Variants in CRTC1 observed in about 807,000 individuals in gnomAD.
The protein encoded by CRTC1 is CREB-regulated transcription coactivator 1.
CRTC1 carries 18 observed loss-of-function variants against 66.1 expected under a neutral mutation model. The observed-to-expected ratio is 0.27, with a 90% CI of 0.19 to 0.40. CRTC1 has a LOEUF of 0.40. Among genes scored for constraint, CRTC1 ranks in the 10% least tolerant of loss-of-function variants. The pLI is 1.00. For synonymous variants in CRTC1, 416 were observed against 398.8 expected, an observed-to-expected ratio of 1.04 and a Z score of -0.51; for missense variants, 669 against 887.9, an observed-to-expected ratio of 0.75 and a Z score of 3.13.
In CRTC1 at chr19:18,764,903, T is replaced by TA. The variant is rs540876227; in HGVS notation, c.887-499dup. Among the ~76,000 whole-genome samples the TA allele has an allele frequency of 5.9e-5, 9 of 152,308 alleles. No homozygotes were observed. The South Asian group carries it at 1.9e-3, about 32-fold the overall frequency. On this transcript the variant is annotated intron_variant, in intron 8 of 13. Transcript: ENST00000321949. Reference sequence around the variant, plus strand: ...TGGGCAGGGCCTGCTGGCTTGAAGCTAACCACAACCCAAGCCATTTTCAGC... The same window carrying TA: ...TGGGCAGGGCCTGCTGGCTTGAAGCTAAACCACAACCCAAGCCATTTTCAGC...
rs375072015 is a variant in CRTC1 at position 18,761,351 on chromosome 19, G to A, written c.886+1123G>A. 4.2e-4 allele frequency among the ~76,000 whole-genome samples: 64 copies of A among 152,280 alleles called. No individual in the cohort carries two copies. In the South Asian group the frequency reaches 0.013, roughly 31 times the overall value. ...GGCTTCCAAGGAGGAGAAATGGCGT[G>A]GCCCCAACTAGTCCTGGGGGGTGGG... On this transcript the variant is annotated intron_variant, in intron 8 of 13. Coordinates refer to ENST00000321949, the MANE Select transcript of CRTC1 (RefSeq NM_015321.3).
Position 18,771,592 on chromosome 19 carries a change from C to G in CRTC1, c.1425+46C>G, listed in dbSNP as rs917572786. On this transcript the variant is annotated intron_variant, in intron 11 of 13. Coordinates refer to ENST00000321949, the MANE Select transcript of CRTC1 (RefSeq NM_015321.3). The surrounding 1 kb of genome is among the most constrained non-coding windows in gnomAD (Gnocchi z 4.6). ...CTTGGCCTGTGGGCTCCACGCTTGT[C>G]TTGTTCATGCCCCGTGTGTTCCCTG... The G allele has an allele frequency of 7.0e-6, 10 of 1,433,146 alleles. No homozygotes were observed. The highest frequency in any genetic ancestry group is 2.8e-5 in the African/African-American group (2 of 70,576). 88.8% of individuals were successfully genotyped at this position (1,433,146 alleles called of 1,614,324 possible). A position where few individuals can be genotyped will look rare whatever the true frequency, so the allele number is the denominator to read the frequency against.
chr19:18,718,848 C>T (rs2053562987), intron 1 of CRTC1, among the ~76,000 whole-genome samples: 1 of 152,160 alleles, frequency 6.6e-6, no homozygotes, highest in Non-Finnish European at 1.5e-5. Context: ...CTCAGCATGT[C>T]ACTTGTTGAG....
At position 18,778,914 on chromosome 19, in the gene CRTC1, C is replaced by T; in HGVS notation, c.*1532C>T. 1 of 231,512 alleles carries T rather than the reference C, an allele frequency of 4.3e-6. No homozygotes were observed. The highest frequency in any genetic ancestry group is 8.5e-6 in the Non-Finnish European group (1 of 116,988). The allele number at this position is 231,512 out of a possible 1,614,324, so 14.3% of individuals were successfully genotyped here. A position where few individuals can be genotyped will look rare whatever the true frequency, so the allele number is the denominator to read the frequency against. ...CTGCCCCTTCTTGGCAGCTCAGGGTCGTGGCAGGTGGACTTGGAGACACAC... is the reference window on the plus strand; with the variant it reads ...CTGCCCCTTCTTGGCAGCTCAGGGTTGTGGCAGGTGGACTTGGAGACACAC... On this transcript the variant is annotated 3_prime_UTR_variant, in exon 14 of 14. Coordinates refer to ENST00000321949, the MANE Select transcript of CRTC1 (RefSeq NM_015321.3).
In CRTC1 at chr19:18,749,890, C is replaced by G; in HGVS notation, c.538+15C>G. On this transcript the variant is annotated intron_variant, in intron 5 of 13. Coordinates refer to ENST00000321949, the MANE Select transcript of CRTC1 (RefSeq NM_015321.3). ...CCAGAAAAGAGGTATGGACAGGGGA[C>G]TCGGGTGTCTCTGCTGGGGTGAGGC... The G allele has an allele frequency of 6.2e-7, 1 of 1,605,466 alleles. No individual in the cohort carries two copies. The highest frequency in any genetic ancestry group is 8.5e-7 in the Non-Finnish European group (1 of 1,172,402).
At chr19:18,709,708 G>A (rs916558976) in intron 1 of CRTC1, among the ~76,000 whole-genome samples, 12 of 152,112 alleles carry the variant, frequency 7.9e-5, no homozygotes, top group African/African-American at 2.7e-4. Flanking sequence ...TGCCCTGGGC[G>A]GGCTTCCTCA....
chr19:18,692,224 C>T (rs568769413), intron 1 of CRTC1, among the ~76,000 whole-genome samples: 6 of 152,318 alleles, frequency 3.9e-5, no homozygotes, highest in South Asian at 4.1e-4. Context: ...ACAAAACCTG[C>T]GGAGCCAGCT....
chr19:18,744,826 C>T (rs2054194871), intron 2 of CRTC1, among the ~76,000 whole-genome samples: 1 of 152,126 alleles, frequency 6.6e-6, no homozygotes, highest in Non-Finnish European at 1.5e-5. Flanking sequence ...CTTGGGGGTC[C>T]CCAGGGCTGG....
intron 1 of CRTC1, among the ~76,000 whole-genome samples, chr19:18,722,566 C>T (rs770769271): frequency 1.2e-4 from 18 of 152,200 alleles, no homozygotes; most frequent in Non-Finnish European, 2.1e-4. Flanking sequence ...CAGAGTGATG[C>T]GGCCACAAGC....
intron 1 of CRTC1, among the ~76,000 whole-genome samples, chr19:18,708,296 T>C (rs1373310576): frequency 1.3e-5 from 2 of 152,024 alleles, no homozygotes; most frequent in Non-Finnish European, 2.9e-5. Context: ...AGGATCAGCT[T>C]TGAGCTTTAA....
intron 1 of CRTC1, among the ~76,000 whole-genome samples, chr19:18,701,854 A>T (rs572573257): frequency 6.6e-6 from 1 of 150,946 alleles, no homozygotes; most frequent in East Asian, 2.0e-4. Context: ...CTGATCTCAA[A>T]TGATCCGCCC....
Position 18,775,005 on chromosome 19 carries a change from T to C in CRTC1, c.1512+19T>C, listed in dbSNP as rs1192076186. On this transcript the variant is annotated intron_variant, in intron 12 of 13. Transcript: ENST00000321949. ...CCACCAGGTGAGCGGGCGCCCAGGCTGCCAGCCGGCCGGTGCCCAGGACAG... is the reference window on the plus strand; with the variant it reads ...CCACCAGGTGAGCGGGCGCCCAGGCCGCCAGCCGGCCGGTGCCCAGGACAG... 2 of 1,599,928 alleles carry C rather than the reference T, an allele frequency of 1.3e-6. No homozygotes were observed. Among genetic ancestry groups the C allele is most frequent in the African/African-American group, 2.7e-5 (2 of 75,010 alleles).
intron 4 of CRTC1, among the ~76,000 whole-genome samples, chr19:18,749,349 G>A (rs1324618827): frequency 1.3e-5 from 2 of 152,182 alleles, no homozygotes; most frequent in Non-Finnish European, 2.9e-5. Context: ...CACCAAGAGG[G>A]GACCTGGTGA....
At chr19:18,692,836 G>A (rs1016031185) in intron 1 of CRTC1, among the ~76,000 whole-genome samples, 2 of 152,080 alleles carry the variant, frequency 1.3e-5, no homozygotes, top group African/African-American at 2.4e-5. Flanking sequence ...AGCACTTTGG[G>A]AGGCCGAGGC....
chr19:18,721,816 A>T (rs1387391654), intron 1 of CRTC1, among the ~76,000 whole-genome samples: 1 of 152,190 alleles, frequency 6.6e-6, no homozygotes, highest in Non-Finnish European at 1.5e-5. Context: ...GACTCTCTCC[A>T]AATACAGTCA....
chr19:18,768,417 T>TCTGATCCACCTGAGTCA lies in CRTC1; in HGVS notation c.1012-68_1012-67insCTGATCCACCTGAGTCA, dbSNP rs2145838854. The TCTGATCCACCTGAGTCA allele has an allele frequency of 7.3e-7, 1 of 1,375,932 alleles. No homozygotes were observed. Among genetic ancestry groups the TCTGATCCACCTGAGTCA allele is most frequent in the East Asian group, 2.4e-5 (1 of 42,342 alleles). 85.2% of individuals were successfully genotyped at this position (1,375,932 alleles called of 1,614,324 possible). On this transcript the variant is annotated intron_variant, in intron 9 of 13. Transcript: ENST00000321949. The surrounding 1 kb of genome is among the most constrained non-coding windows in gnomAD (Gnocchi z 5.6). ...CTCGCCTGCTGAGCATGCCAGGCTA[T>TCTGATCCACCTGAGTCA]GGGGGCCCGAGGGGGCCAGGCGCTG...
At chr19:18,717,581 G>A (rs941978607) in intron 1 of CRTC1, among the ~76,000 whole-genome samples, 1 of 152,180 alleles carries the variant, frequency 6.6e-6, no homozygotes. Context: ...CAGAGAGGCA[G>A]ACACAGATGC....
At chr19:18,724,657 C>T (rs1255838133) in intron 1 of CRTC1, among the ~76,000 whole-genome samples, 5 of 150,334 alleles carry the variant, frequency 3.3e-5, no homozygotes, top group African/African-American at 9.8e-5. Flanking sequence ...GCCCCAATCC[C>T]GGCCGTCCCC....
chr19:18,720,525 G>GTTTT (rs35827745), intron 1 of CRTC1, among the ~76,000 whole-genome samples: 16 of 105,028 alleles, frequency 1.5e-4, no homozygotes, highest in African/African-American at 3.2e-4. Flanking sequence ...AATTTTTAGT[G>GTTTT]TTTTTTTTTT....
Sources: allele counts gnomAD v4.1 joint callset (sites outside exome capture counted in the v4.1 genomes callset), GRCh38; gene constraint gnomAD v4.1.1; non-coding constraint Gnocchi (gnomAD v3.1); transcripts MANE v1.5; gene names NCBI Gene and HGNC (gene_info 2026-07-23, HGNC 2026-07-21).